Variants in SYCP2 observed in about 807,000 individuals in gnomAD.
SYCP2 encodes synaptonemal complex lateral element protein.
Under a neutral mutation model 211.3 loss-of-function variants are expected in SYCP2, and 55 were observed. The ratio of observed to expected loss-of-function variants is 0.26; its 90% CI spans 0.21 to 0.33. The LOEUF is 0.33. SYCP2 is among the 10% of genes least tolerant of loss of function. SYCP2 has a pLI of 1.00. For synonymous variants in SYCP2, 570 were observed against 555.2 expected (o/e 1.03, Z -0.37); for missense variants, 1,731 against 1,752.0 (o/e 0.99, Z 0.21).
chr20:59,910,387 T>A (rs924488954), intron 14 of SYCP2, among the ~76,000 whole-genome samples: 4 of 136,502 alleles, frequency 2.9e-5, no homozygotes, highest in Middle Eastern at 3.5e-3. Context: ...TTTTTTTTTT[T>A]TTTTTTTTTT....
chr20:59,879,812 AATATAAATAAATATATATAT>A (rs1205859969), intron 31 of SYCP2, among the ~76,000 whole-genome samples: 21 of 32,980 alleles, frequency 6.4e-4, no homozygotes, highest in African/African-American at 5.4e-3. Flanking sequence ...ATATTTAGTA[AATATAAATAAATATATATAT>A]ATATATATAT....
Position 59,892,341 on chromosome 20 carries a change from T to C in SYCP2, c.2013A>G (p.Lys671=). 1 of 1,605,626 alleles carries C rather than the reference T, an allele frequency of 6.2e-7. No homozygotes were observed. Among genetic ancestry groups the C allele is most frequent in the South Asian group, 1.1e-5 (1 of 90,798 alleles). The change falls in exon 24 of 45, where the codon AAA becomes AAG. Residue 671 remains lysine, a synonymous_variant. Coordinates refer to ENST00000357552, the MANE Select transcript of SYCP2 (RefSeq NM_014258.4). ...DHNSEGTGKV[K]YKKEQTDHIK... is the part of the protein sequence containing the mutation. The stretch of plus-strand genomic sequence containing the variant: ...TATGGTCGGTTTGTTCTTTCTTATA[T>C]TTCACTTTTCCTGTTCCTTCAGAAT...
Position 59,901,787 on chromosome 20 carries a change from T to A in SYCP2, c.1057A>T (p.Thr353Ser). Residue 353 changes from threonine (T) to serine (S), a missense_variant, in exon 16 of 45, where the codon ACA becomes TCA. Thr to Ser is a moderately conservative substitution (Grantham distance 58). This residue lies in a region of SYCP2 where 1,387 missense variants were observed against 1,351.3 expected (regional missense o/e 1.03). Transcript: ENST00000357552. The part of the protein sequence containing the change: ...IEVRESKKLL[T>S]IILKNTVKIS... ...TTTACTGTATTTTTCAGAATTATTGTCAGTAGCTTCTTTGATTCTCTCACT... is the reference window on the plus strand; with the variant it reads ...TTTACTGTATTTTTCAGAATTATTGACAGTAGCTTCTTTGATTCTCTCACT... 1 of 1,598,710 alleles carries A rather than the reference T, an allele frequency of 6.3e-7. No homozygotes were observed. The highest frequency in any genetic ancestry group is 8.5e-7 in the Non-Finnish European group (1 of 1,173,526).
At chr20:59,875,003 TAA>T (rs1162163609) in intron 34 of SYCP2, among the ~76,000 whole-genome samples, 3 of 152,018 alleles carry the variant, frequency 2.0e-5, no homozygotes, top group East Asian at 3.8e-4. Context: ...TTTTTAAGAT[TAA>T]GTTATAATTT....
intron 18 of SYCP2, among the ~76,000 whole-genome samples, chr20:59,896,891 A>G (rs2060019893): frequency 6.6e-6 from 1 of 152,134 alleles, no homozygotes; most frequent in African/African-American, 2.4e-5. Context: ...TAATGTTTGG[A>G]TTACATATTT....
intron 2 of SYCP2, among the ~76,000 whole-genome samples, chr20:59,924,877 A>C (rs2060606588): frequency 6.6e-6 from 1 of 151,956 alleles, no homozygotes; most frequent in Admixed American, 6.6e-5. Flanking sequence ...ATCAAGGTAG[A>C]ACATAAAGCA....
At chr20:59,902,816 T>TA (rs2060140959) in intron 15 of SYCP2, among the ~76,000 whole-genome samples, 1 of 152,200 alleles carries the variant, frequency 6.6e-6, no homozygotes, top group South Asian at 2.1e-4. Flanking sequence ...CAAAGAGCGC[T>TA]AGTAGTTTTT....
Position 59,891,915 on chromosome 20 carries a change from A to T in SYCP2, c.2364+75T>A, listed in dbSNP as rs549359834. 15 of 1,282,618 alleles carry T rather than the reference A, an allele frequency of 1.2e-5. No homozygotes were observed. In the African/African-American group the frequency reaches 2.1e-4, roughly 18 times the overall value. The allele number at this position is 1,282,618 out of a possible 1,614,324, so 79.5% of individuals were successfully genotyped here. ...CATGTTAAATGTGTAGCAATTAATC[A>T]AGTTTCTTTCTTTCTTATGTTATCA... On this transcript the variant is annotated intron_variant, in intron 24 of 44. Coordinates refer to ENST00000357552, the MANE Select transcript of SYCP2 (RefSeq NM_014258.4).
At chr20:59,925,935 G>A (rs1252730754) in intron 2 of SYCP2, among the ~76,000 whole-genome samples, 1 of 152,008 alleles carries the variant, frequency 6.6e-6, no homozygotes, top group Admixed American at 6.6e-5. Flanking sequence ...ACCTCACAGA[G>A]AACTGTGGAA....
chr20:59,918,238 T>C (rs1001051668), intron 7 of SYCP2, among the ~76,000 whole-genome samples: 4 of 152,226 alleles, frequency 2.6e-5, no homozygotes, highest in Non-Finnish European at 5.9e-5. Flanking sequence ...ACAATGTTTC[T>C]AAATGAACTG....
chr20:59,916,132 C>T (rs763438203), intron 8 of SYCP2, among the ~76,000 whole-genome samples: 85 of 152,084 alleles, frequency 5.6e-4, no homozygotes, highest in Admixed American at 2.2e-3. Flanking sequence ...ATTTTAACTC[C>T]ATTATAAGAT....
Position 59,900,774 on chromosome 20 carries a change from C to T in SYCP2, c.1227G>A (p.Leu409=), listed in dbSNP as rs753308338. ...KQGISVAKTS[L]HILFDASGSQ... ...ATCCACTTGCGTCAAAAAGTATATGCAGCGACGTTTTGGCAACTGAAATAC... is the reference window on the plus strand; with the variant it reads ...ATCCACTTGCGTCAAAAAGTATATGTAGCGACGTTTTGGCAACTGAAATAC... Residue 409 remains leucine (L), a synonymous_variant, in exon 17 of 45, where the codon CTG becomes CTA. Coordinates refer to ENST00000357552, the MANE Select transcript of SYCP2 (RefSeq NM_014258.4). 6.2e-6 allele frequency: 10 copies of T among 1,612,868 alleles called. No individual in the cohort carries two copies. The South Asian group carries it at 1.1e-4, about 18-fold the overall frequency.
At chr20:59,921,225 AT>A in intron 4 of SYCP2, 84 bp downstream of exon 4, 3 of 1,209,974 alleles carry the variant, frequency 2.5e-6, no homozygotes, top group Non-Finnish European at 2.3e-6. Context: ...AAGCCTATTC[AT>A]TTTTTTCTAA....
At chr20:59,924,629 T>C (rs1012926805) in intron 2 of SYCP2, among the ~76,000 whole-genome samples, 20 of 152,026 alleles carry the variant, frequency 1.3e-4, no homozygotes, top group Non-Finnish European at 2.8e-4. Flanking sequence ...AAAGTTGGAT[T>C]GTCGGGTAGG....
intron 1 of SYCP2, among the ~76,000 whole-genome samples, chr20:59,932,676 G>GA (rs1017503212): frequency 1.0e-3 from 154 of 151,208 alleles, no homozygotes; most frequent in African/African-American, 2.0e-3. Flanking sequence ...TCCGTCTCGG[G>GA]AAAAAAAACA....
chr20:59,879,822 AATATATATATATATATATATATAT>A (rs1159547809), intron 31 of SYCP2, among the ~76,000 whole-genome samples: 10 of 51,086 alleles, frequency 2.0e-4, no homozygotes, highest in South Asian at 1.5e-3. Flanking sequence ...AATATAAATA[AATATATATATATATATATATATAT>A]ATATATATAT....
intron 34 of SYCP2, among the ~76,000 whole-genome samples, chr20:59,874,930 C>T (rs543824392): frequency 6.6e-5 from 10 of 151,708 alleles, no homozygotes; most frequent in African/African-American, 2.4e-4. Context: ...CAGAATTCTC[C>T]AAAAATTCTC....
In SYCP2 at chr20:59,866,609, A is replaced by C. The variant is rs1405323778; in HGVS notation, c.4126-20T>G. ...TCGGATCTGAAAAATACTCATTTTT[A>C]AGTTAAAATATCTTTACAAAATAAC... On this transcript the variant is annotated intron_variant, in intron 39 of 44. Transcript: ENST00000357552. 1 of 1,507,142 alleles carries C rather than the reference A, an allele frequency of 6.6e-7. No homozygotes were observed. Among genetic ancestry groups the C allele is most frequent in the Non-Finnish European group, 9.1e-7 (1 of 1,104,918 alleles). The allele number at this position is 1,507,142 out of a possible 1,614,324, so 93.4% of individuals were successfully genotyped here.
intron 14 of SYCP2, among the ~76,000 whole-genome samples, chr20:59,910,212 C>A (rs544833733): frequency 3.9e-5 from 6 of 152,076 alleles, no homozygotes; most frequent in African/African-American, 1.4e-4. Context: ...GGATAACATA[C>A]TACAGCTACG....
Sources: allele counts gnomAD v4.1 joint callset (sites outside exome capture counted in the v4.1 genomes callset), GRCh38; gene constraint gnomAD v4.1.1; regional missense constraint gnomAD v4.1.1; transcripts MANE v1.5; gene names NCBI Gene and HGNC (gene_info 2026-07-23, HGNC 2026-07-21).